Variants in JPH2 observed in about 807,000 individuals in gnomAD.
JPH2 encodes the protein junctophilin 2, also known as junctophilin-2.
Under a neutral mutation model 55.9 loss-of-function variants are expected in JPH2, and 38 were observed. The ratio of observed to expected loss-of-function variants is 0.68; its 90% CI spans 0.52 to 0.89. The LOEUF (loss-of-function observed/expected upper bound fraction) is 0.89, where lower values mean the gene tolerates loss of function less well. Ranked by LOEUF, JPH2 falls within the 40% of genes least tolerant of loss-of-function variation. The probability of loss-of-function intolerance (pLI) is 0.00; values close to 1 mark genes in which losing one functional copy is unlikely to be tolerated. For synonymous variants in JPH2, 480 were observed against 472.4 expected (o/e 1.02, Z -0.21); for missense variants, 964 against 1,037.6 (o/e 0.93, Z 0.97).
At chr20:44,171,155 G>A (rs1398774052) in intron 1 of JPH2, among the ~76,000 whole-genome samples, 1 of 152,248 alleles carries the variant, frequency 6.6e-6, no homozygotes, top group Non-Finnish European at 1.5e-5. Context: ...TTCTGAAGCT[G>A]AGATGATGTG....
Position 44,109,927 on chromosome 20 carries a change from A to C in JPH2, c.*3591T>G, listed in dbSNP as rs2072130198. ...CCTGGAAGAGTCCTGCAGAGACCTC[A>C]AGGCAGTGGGCCAGCATTGCTTTTA... On this transcript the variant is annotated 3_prime_UTR_variant, in exon 6 of 6. Transcript: ENST00000372980. Among the ~76,000 whole-genome samples the C allele has an allele frequency of 6.6e-6, 1 of 152,122 alleles. No individual in the cohort carries two copies. The highest frequency in any genetic ancestry group is 2.1e-4 in the South Asian group (1 of 4,830).
intron 2 of JPH2, among the ~76,000 whole-genome samples, chr20:44,128,005 T>C (rs898623970): frequency 6.6e-6 from 1 of 152,230 alleles, no homozygotes; most frequent in African/African-American, 2.4e-5. Flanking sequence ...TTTCTTTATA[T>C]ATTCTTATGC....
intron 1 of JPH2, among the ~76,000 whole-genome samples, chr20:44,168,839 T>C (rs2072676406): frequency 6.6e-6 from 1 of 152,210 alleles, no homozygotes; most frequent in Non-Finnish European, 1.5e-5. Flanking sequence ...TTATCCTCAG[T>C]GTTGGAGGTG....
intron 2 of JPH2, among the ~76,000 whole-genome samples, chr20:44,126,353 G>T (rs1019808383): frequency 1.3e-4 from 20 of 152,088 alleles, no homozygotes; most frequent in Non-Finnish European, 2.5e-4. Flanking sequence ...GGATGATGGG[G>T]GCAGATAATC....
intron 1 of JPH2, among the ~76,000 whole-genome samples, chr20:44,176,550 C>G (rs1569219802): frequency 6.6e-6 from 1 of 152,022 alleles, no homozygotes; most frequent in East Asian, 1.9e-4. Flanking sequence ...GCCTATAATC[C>G]CAGCAATTTG....
At position 44,186,669 on chromosome 20, in the gene JPH2, C is replaced by A. The variant is rs1398543222; in HGVS notation, c.37G>T (p.Ala13Ser). ...GGRFDFDDGGAYCGGWEGGKA... is the reference protein window; with the variant it reads ...GGRFDFDDGGSYCGGWEGGKA... ...CCCCCCTCCCAGCCCCCGCAGTACG[C>A]CCCTCCATCATCAAAGTCGAAGCGG... Residue 13 changes from alanine to serine, a missense_variant, in exon 1 of 6, where the codon GCG becomes TCG. Coordinates refer to ENST00000372980, the MANE Select transcript of JPH2 (RefSeq NM_020433.5). The A allele has an allele frequency of 6.2e-7, 1 of 1,601,812 alleles. No individual in the cohort carries two copies. Among genetic ancestry groups the A allele is most frequent in the African/African-American group, 1.3e-5 (1 of 74,762 alleles).
At chr20:44,180,494 G>A (rs2072772623) in intron 1 of JPH2, among the ~76,000 whole-genome samples, 1 of 152,080 alleles carries the variant, frequency 6.6e-6, no homozygotes, top group African/African-American at 2.4e-5. Context: ...ACCATGTCCA[G>A]CTAATTTTTG....
chr20:44,126,007 A>C (rs6103635), intron 2 of JPH2, among the ~76,000 whole-genome samples: 31 of 151,152 alleles, frequency 2.1e-4, no homozygotes, highest in Non-Finnish European at 4.1e-4. Context: ...TGGCTAATGG[A>C]CCCCGCTACT....
intron 2 of JPH2, among the ~76,000 whole-genome samples, chr20:44,131,677 T>G (rs1042806012): frequency 6.6e-6 from 1 of 152,206 alleles, no homozygotes; most frequent in Non-Finnish European, 1.5e-5. Flanking sequence ...TAAGTAATTT[T>G]CCAGTTTCCA....
Position 44,112,599 on chromosome 20 carries a change from C to T in JPH2, c.*919G>A, listed in dbSNP as rs7263113. 0.11 allele frequency: 16,518 copies of T among 152,216 alleles called. 993 individuals carry two copies. Among genetic ancestry groups the T allele is most frequent in the Non-Finnish European group, 0.13 (8,706 of 68,028 alleles). The allele number at this position is 152,216 out of a possible 1,614,324, so 9.4% of individuals were successfully genotyped here. ...GGGCTTCTGTGCTCCCCTGAGCTTT[C>T]GGTGGGCCCTGATGGGGGAGGAGAC... On this transcript the variant is annotated 3_prime_UTR_variant, in exon 6 of 6. Transcript: ENST00000372980.
chr20:44,159,752 C>T lies in JPH2; in HGVS notation c.1035G>A (p.Val345=). 6.2e-7 allele frequency: 1 copy of T among 1,613,754 alleles called. No homozygotes were observed. The highest frequency in any genetic ancestry group is 8.5e-7 in the Non-Finnish European group (1 of 1,179,972). The change falls in exon 2 of 6, where the codon GTG becomes GTA. Residue 345 remains valine (V), a synonymous_variant. Transcript: ENST00000372980. The surrounding 1 kb of genome is among the most constrained non-coding windows in gnomAD (Gnocchi z 5.7). Reference sequence around the variant, plus strand: ...TGCGGCGCTTGGTGTCCTTGACCAGCACGTTGTGGCGGTACTTGCCCTCCT... The same window carrying T: ...TGCGGCGCTTGGTGTCCTTGACCAGTACGTTGTGGCGGTACTTGCCCTCCT... ...HREEGKYRHN[V]LVKDTKRRML... is the part of the protein sequence containing the mutation.
In JPH2 at chr20:44,108,564, A is replaced by G. The variant is rs2072121816; in HGVS notation, c.*4954T>C. ...ACAGCCTCAAGATGTAAATAGCTTT[A>G]AAAGGTCACTAAGAAGTGACTGTAT... is the stretch of plus-strand genomic sequence containing the variant. On this transcript the variant is annotated 3_prime_UTR_variant, in exon 6 of 6. Coordinates refer to ENST00000372980, the MANE Select transcript of JPH2 (RefSeq NM_020433.5). Among the ~76,000 whole-genome samples the G allele has an allele frequency of 6.6e-6, 1 of 151,714 alleles. No homozygotes were observed. Among genetic ancestry groups the G allele is most frequent in the Non-Finnish European group, 1.5e-5 (1 of 67,964 alleles).
At chr20:44,178,725 G>A (rs2072755368) in intron 1 of JPH2, among the ~76,000 whole-genome samples, 1 of 152,190 alleles carries the variant, frequency 6.6e-6, no homozygotes, top group Non-Finnish European at 1.5e-5. Context: ...CAAAGTTGAA[G>A]AATTTACTCT....
At position 44,106,926 on chromosome 20, in the gene JPH2, CCCAATGGGAGATGCTCTACAAGCAAT is replaced by C. The variant is rs2145831724; in HGVS notation, c.*6566_*6591del. On this transcript the variant is annotated 3_prime_UTR_variant, in exon 6 of 6. Transcript: ENST00000372980. The stretch of plus-strand genomic sequence containing the variant: ...ACAGAGCAAGGGAGGGGTATAAAAG[CCCAATGGGAGATGCTCTACAAGCAAT>C]CCTTGCTCTGGAGCTCCCACTGGGT... 6.6e-6 allele frequency among the ~76,000 whole-genome samples: 1 copy of C among 152,222 alleles called. No individual in the cohort carries two copies. The highest frequency in any genetic ancestry group is 1.5e-5 in the Non-Finnish European group (1 of 68,002).
chr20:44,135,503 G>A (rs1218525657), intron 2 of JPH2, among the ~76,000 whole-genome samples: 2 of 152,096 alleles, frequency 1.3e-5, no homozygotes, highest in African/African-American at 2.4e-5. Context: ...CCCTTCCCCA[G>A]GGTAGCTCAC....
chr20:44,141,512 GTTTT>G (rs34441989), intron 2 of JPH2, among the ~76,000 whole-genome samples: 1 of 147,800 alleles, frequency 6.8e-6, no homozygotes, highest in Non-Finnish European at 1.5e-5. Flanking sequence ...AGTAGAAGCA[GTTTT>G]TTTTTTTTAA....
At chr20:44,116,423 C>T (rs906587477) in intron 3 of JPH2, 37 bp from the exon 4 acceptor site, 9 of 1,542,492 alleles carry the variant, frequency 5.8e-6, no homozygotes, top group East Asian at 4.9e-5. Context: ...GCTCGAACCC[C>T]GCACCACTGT....
At position 44,160,068 on chromosome 20, in the gene JPH2, C is replaced by A. The variant is rs2072597712; in HGVS notation, c.719G>T (p.Gly240Val). Residue 240 changes from glycine to valine, a missense_variant, in exon 2 of 6, where the codon GGT becomes GTT. By Grantham distance (109) the Gly-to-Val change is moderately radical. Coordinates refer to ENST00000372980, the MANE Select transcript of JPH2 (RefSeq NM_020433.5). The surrounding 1 kb of genome is among the most constrained non-coding windows in gnomAD (Gnocchi z 4.9). ...LRRAESRTSV[G>V]SQRSRVSFLK... The stretch of plus-strand genomic sequence containing the variant: ...GAAGCTGACACGGCTGCGCTGGCTA[C>A]CCACGGACGTGCGCGACTCTGCGCG... The A allele has an allele frequency of 6.5e-7, 1 of 1,538,722 alleles. No individual in the cohort carries two copies. Among genetic ancestry groups the A allele is most frequent in the Non-Finnish European group, 8.7e-7 (1 of 1,148,188 alleles).
intron 1 of JPH2, among the ~76,000 whole-genome samples, chr20:44,175,622 G>A (rs951717156): frequency 1.3e-5 from 2 of 152,186 alleles, no homozygotes; most frequent in African/African-American, 2.4e-5. Flanking sequence ...AGGTTGCAGC[G>A]GGTGGATGAC....
Sources: gnomAD v4.1 joint callset for allele counts (sites outside exome capture counted in the v4.1 genomes callset) on GRCh38, gnomAD v4.1.1 for gene constraint, Gnocchi (gnomAD v3.1) non-coding constraint, MANE v1.5 for transcripts, NCBI Gene and HGNC (gene_info 2026-07-23, HGNC 2026-07-21) for gene names.